APBB2: variants seen among roughly 807,000 people sequenced by gnomAD.
APBB2 encodes the protein Fe65-like 1.
A neutral mutation model predicts 82.5 loss-of-function variants in APBB2; 38 were observed. The observed-to-expected ratio is 0.46, with a 90% confidence interval of 0.36 to 0.60. The LOEUF (loss-of-function observed/expected upper bound fraction) is 0.60. APBB2 is among the 20% of genes least tolerant of loss of function. APBB2 has a pLI of 0.00. For synonymous variants in APBB2, 341 were observed against 368.2 expected (o/e 0.93, Z 0.85); for missense variants, 772 against 972.3 (o/e 0.79, Z 2.74).
At position 40,982,371 on chromosome 4, in the gene APBB2, GAAGGAAGGAAGGAAGGAAGGA is replaced by G. The variant is rs1188354599; in HGVS notation, c.835+31191_835+31211del. Reference sequence around the variant, plus strand: ...GGAAGGAAGGAAGGAAGGAAGGAAGGAAGGAAGGAAGGAAGGAAGGAAAGGAAAGGAAAGAAAGAAAGAAAG... The same window carrying G: ...GGAAGGAAGGAAGGAAGGAAGGAAGGAAGGAAAGGAAAGAAAGAAAGAAAG... On this transcript the variant is annotated intron_variant, in intron 6 of 17. Transcript: ENST00000508593. Among the ~76,000 whole-genome samples the G allele has an allele frequency of 4.5e-3, 67 of 15,010 alleles. 3 individuals are homozygous for G. The Middle Eastern group carries it at 0.065, about 15-fold the overall frequency. 9.8% of individuals were successfully genotyped at this position (15,010 alleles called of 152,430 possible).
intron 1 of APBB2, among the ~76,000 whole-genome samples, chr4:41,161,170 CAAAAAAA>C (rs33917178): frequency 0.062 from 5,344 of 86,408 alleles, 96 homozygotes; most frequent in Middle Eastern, 0.11. Flanking sequence ...TCTTCCCTGG[CAAAAAAA>C]AAAAAAAAAA....
intron 2 of APBB2, among the ~76,000 whole-genome samples, chr4:41,119,763 C>A (rs1053951043): frequency 6.6e-6 from 1 of 152,156 alleles, no homozygotes; most frequent in Non-Finnish European, 1.5e-5. Flanking sequence ...GAGATCTGCA[C>A]ATATAAAAAG....
intron 4 of APBB2, among the ~76,000 whole-genome samples, chr4:41,044,759 CTT>C (rs1366531913): frequency 6.6e-6 from 1 of 152,082 alleles, no homozygotes; most frequent in Non-Finnish European, 1.5e-5. Flanking sequence ...GCCCAAAGGA[CTT>C]TTTCTTTTTC....
chr4:41,033,584 TCACACACACACACACA>T (rs71915197), intron 4 of APBB2, among the ~76,000 whole-genome samples: 3 of 130,772 alleles, frequency 2.3e-5, no homozygotes, highest in East Asian at 2.2e-4. Flanking sequence ...CTTTTTCTCA[TCACACACACACACACA>T]CACACACACA....
chr4:40,909,131 C>G (rs530671380), intron 10 of APBB2, among the ~76,000 whole-genome samples: 107 of 152,308 alleles, frequency 7.0e-4, no homozygotes, highest in Non-Finnish European at 9.3e-4. Flanking sequence ...AGGGCTTCTG[C>G]TACTAAAGAA....
intron 1 of APBB2, among the ~76,000 whole-genome samples, chr4:41,202,050 C>G (rs755208335): frequency 2.0e-5 from 3 of 152,198 alleles, no homozygotes; most frequent in Non-Finnish European, 4.4e-5. Context: ...CCCCCAGGAG[C>G]TTCAGTCTAG....
intron 1 of APBB2, among the ~76,000 whole-genome samples, chr4:41,151,088 C>T (rs757442734): frequency 6.6e-6 from 1 of 152,142 alleles, no homozygotes; most frequent in Non-Finnish European, 1.5e-5. Context: ...TGCATCCATG[C>T]TCAAGAGACA....
At chr4:40,983,435 G>T (rs1799625912) in intron 6 of APBB2, among the ~76,000 whole-genome samples, 1 of 152,182 alleles carries the variant, frequency 6.6e-6, no homozygotes, top group Non-Finnish European at 1.5e-5. Flanking sequence ...GGAAATAGCA[G>T]ATATTTCACA....
At chr4:41,167,524 T>C (rs1238795773) in intron 1 of APBB2, among the ~76,000 whole-genome samples, 1 of 152,008 alleles carries the variant, frequency 6.6e-6, no homozygotes, top group Non-Finnish European at 1.5e-5. Context: ...AAAAACCAAA[T>C]GTTAATTTTT....
chr4:40,950,089 A>G (rs1158046706), intron 6 of APBB2, among the ~76,000 whole-genome samples: 1 of 152,168 alleles, frequency 6.6e-6, no homozygotes, highest in Non-Finnish European at 1.5e-5. Context: ...AAATCTAATA[A>G]AAAGCCTGCA....
At chr4:41,115,190 T>C (rs1291254305) in intron 2 of APBB2, among the ~76,000 whole-genome samples, 2 of 152,156 alleles carry the variant, frequency 1.3e-5, no homozygotes, top group Admixed American at 1.3e-4. Context: ...CCATCTGATC[T>C]TTGATAAACC....
At chr4:41,195,901 C>T in intron 1 of APBB2, among the ~76,000 whole-genome samples, 2 of 152,326 alleles carry the variant, frequency 1.3e-5, no homozygotes, top group South Asian at 4.1e-4. Flanking sequence ...TGGCTCATGC[C>T]TGTAATCCCA....
chr4:41,129,803 T>A (rs972271896), intron 2 of APBB2, among the ~76,000 whole-genome samples: 3 of 151,316 alleles, frequency 2.0e-5, no homozygotes, highest in African/African-American at 7.3e-5. Flanking sequence ...ATAAATATAT[T>A]TATATTTATA....
At chr4:41,198,794 C>T (rs1775977763) in intron 1 of APBB2, among the ~76,000 whole-genome samples, 1 of 152,164 alleles carries the variant, frequency 6.6e-6, no homozygotes, top group Non-Finnish European at 1.5e-5. Flanking sequence ...GAGGACCCTT[C>T]CTTGTTTCTT....
chr4:40,989,170 C>T (rs971315546), intron 6 of APBB2, among the ~76,000 whole-genome samples: 2 of 152,168 alleles, frequency 1.3e-5, no homozygotes, highest in Non-Finnish European at 2.9e-5. Flanking sequence ...TTAACAGTCT[C>T]GTATAGGAGG....
At chr4:41,151,322 G>C (rs983642760) in intron 1 of APBB2, among the ~76,000 whole-genome samples, 5 of 152,100 alleles carry the variant, frequency 3.3e-5, no homozygotes, top group Non-Finnish European at 5.9e-5. Flanking sequence ...CTTCAATTAT[G>C]GAAATGTTCC....
At chr4:41,094,858 C>G (rs143109381) in intron 3 of APBB2, among the ~76,000 whole-genome samples, 45 of 152,334 alleles carry the variant, frequency 3.0e-4, no homozygotes, top group Non-Finnish European at 7.3e-5. Flanking sequence ...AGCCACCGCA[C>G]CCAGCCTCTG....
intron 3 of APBB2, among the ~76,000 whole-genome samples, chr4:41,066,202 C>A (rs1248989026): frequency 1.3e-5 from 2 of 151,784 alleles, no homozygotes; most frequent in Non-Finnish European, 2.9e-5. Flanking sequence ...ATGGACAGCT[C>A]AATGTATTTT....
intron 17 of APBB2, 61 bp from the exon 18 acceptor site, chr4:40,816,320 G>T: frequency 6.3e-7 from 1 of 1,580,234 alleles, no homozygotes; most frequent in South Asian, 1.1e-5. Context: ...TCTTTAATAT[G>T]ACTTTAAGTC....
Sources: allele counts gnomAD v4.1 joint callset (sites outside exome capture counted in the v4.1 genomes callset), GRCh38; gene constraint gnomAD v4.1.1; transcripts MANE v1.5; gene names NCBI Gene and HGNC (gene_info 2026-07-23, HGNC 2026-07-21).